FOCAD: variants seen among roughly 807,000 people sequenced by gnomAD.
The protein encoded by FOCAD is focadhesin.
In FOCAD, 198 loss-of-function variants were observed where a neutral mutation model predicts 225.6. The observed-to-expected ratio is 0.88, with a 90% CI of 0.78 to 0.99. FOCAD has a LOEUF of 0.99. Among genes scored for constraint, FOCAD ranks in the 50% least tolerant of loss-of-function variants. The pLI, the probability that FOCAD is intolerant of heterozygous loss-of-function variation, is 0.00. For synonymous variants in FOCAD, 897 were observed against 755.0 expected (o/e 1.19, Z -3.08); for missense variants, 2,713 against 2,123.6 (o/e 1.28, Z -5.46).
chr9:20,767,216 G>C lies in FOCAD; in HGVS notation c.699+2143G>C, dbSNP rs1191226246. Among the ~76,000 whole-genome samples the C allele has an allele frequency of 2.0e-5, 3 of 151,428 alleles. No individual in the cohort carries two copies. The South Asian group carries it at 6.3e-4, about 32-fold the overall frequency. The stretch of plus-strand genomic sequence containing the variant: ...ATATGTGCCACATTTTCTTAATCCA[G>C]TCTATCATTTTTGGACATTTGGGTT... On this transcript the variant is annotated intron_variant, in intron 7 of 43. Transcript: ENST00000338382.
chr9:20,912,245 T>A lies in FOCAD; in HGVS notation c.2719-621T>A, dbSNP rs62560526. On this transcript the variant is annotated intron_variant, in intron 22 of 43. Coordinates refer to ENST00000338382, the MANE Select transcript of FOCAD (RefSeq NM_001375567.1). Reference sequence around the variant, plus strand: ...AGGGGGAAGCATCTGATTAAAATAATTCTGAGTAAAAAAATGGAAAAGATA... The same window carrying A: ...AGGGGGAAGCATCTGATTAAAATAAATCTGAGTAAAAAAATGGAAAAGATA... Among the ~76,000 whole-genome samples the A allele has an allele frequency of 2.1e-3, 319 of 152,188 alleles. 2 individuals carry two copies. Among genetic ancestry groups the A allele is most frequent in the Non-Finnish European group, 2.3e-3 (158 of 67,974 alleles).
At chr9:20,698,929 G>T (rs1471516309) in intron 1 of FOCAD, among the ~76,000 whole-genome samples, 1 of 152,176 alleles carries the variant, frequency 6.6e-6, no homozygotes, top group African/African-American at 2.4e-5. Context: ...CTTGAAGGAT[G>T]TATGCCACAC....
intron 35 of FOCAD, 143 bp downstream of exon 35, chr9:20,953,208 A>G (rs954059319): frequency 2.5e-5 from 16 of 630,946 alleles, no homozygotes; most frequent in Admixed American, 6.0e-5. Context: ...CCATCTTTGC[A>G]ATAGAGATGA....
chr9:20,912,957 A>T lies in FOCAD; in HGVS notation c.2807+3A>T, dbSNP rs1251142991. On this transcript the variant is annotated splice_donor_region_variant and intron_variant, in intron 23 of 43. Coordinates refer to ENST00000338382, the MANE Select transcript of FOCAD (RefSeq NM_001375567.1). ...AAAAAAAGCACAGCCTGGCTCTGGT[A>T]AGTGTTCATGTTCAGCTGCCCATTA... 3.1e-6 allele frequency: 5 copies of T among 1,611,220 alleles called. No homozygotes were observed. Among genetic ancestry groups the T allele is most frequent in the Non-Finnish European group, 4.2e-6 (5 of 1,178,070 alleles).
intron 5 of FOCAD, among the ~76,000 whole-genome samples, chr9:20,749,848 AT>A (rs201126106): frequency 0.011 from 1,668 of 151,920 alleles, 22 homozygotes; most frequent in African/African-American, 0.037. Flanking sequence ...ATCACAGACT[AT>A]TTTTTTTAAC....
Position 20,916,884 on chromosome 9 carries a change from T to A in FOCAD, c.2808-9T>A, listed in dbSNP as rs780591763. On this transcript the variant is annotated splice_polypyrimidine_tract_variant and intron_variant, in intron 23 of 43. Transcript: ENST00000338382. ...ATAAACTCTCGTCTATTTTCCATCT[T>A]TATTGCAGGGTTAGAGACATGCTGA... 6.2e-7 allele frequency: 1 copy of A among 1,600,686 alleles called. No homozygotes were observed.
At chr9:20,758,664 T>C (rs924469784) in intron 6 of FOCAD, among the ~76,000 whole-genome samples, 7 of 152,112 alleles carry the variant, frequency 4.6e-5, no homozygotes, top group African/African-American at 1.7e-4. Context: ...TGATTTCCAG[T>C]TACATTCATG....
Position 20,801,464 on chromosome 9 carries a change from G to T in FOCAD, c.1455+11856G>T, listed in dbSNP as rs1284392371. 2.0e-5 allele frequency among the ~76,000 whole-genome samples: 3 copies of T among 152,108 alleles called. No individual in the cohort carries two copies. The East Asian group carries it at 5.8e-4, about 30-fold the overall frequency. On this transcript the variant is annotated intron_variant, in intron 11 of 43. Coordinates refer to ENST00000338382, the MANE Select transcript of FOCAD (RefSeq NM_001375567.1). ...CCCAAAGTGCTGGGATTGCAGGCGT[G>T]AGCCACTGCGCCCACCCTGGAATAT...
At chr9:20,859,399 A>C (rs1828547119) in intron 15 of FOCAD, among the ~76,000 whole-genome samples, 1 of 151,176 alleles carries the variant, frequency 6.6e-6, no homozygotes, top group South Asian at 2.1e-4. Context: ...AAAAAAAGAA[A>C]GAAAGAAAAT....
intron 15 of FOCAD, among the ~76,000 whole-genome samples, chr9:20,824,481 C>T (rs1824663859): frequency 6.6e-6 from 1 of 152,046 alleles, no homozygotes; most frequent in Non-Finnish European, 1.5e-5. Context: ...TGCCCATCCC[C>T]TCCTGTTACT....
chr9:20,981,187 T>C (rs1226795775), intron 37 of FOCAD, among the ~76,000 whole-genome samples: 2 of 152,128 alleles, frequency 1.3e-5, no homozygotes, highest in Non-Finnish European at 2.9e-5. Context: ...CACAGATGGG[T>C]TGGCAGATCC....
At chr9:20,892,202 A>C (rs1831672993) in intron 21 of FOCAD, among the ~76,000 whole-genome samples, 1 of 152,208 alleles carries the variant, frequency 6.6e-6, no homozygotes, top group African/African-American at 2.4e-5. Flanking sequence ...GAGGTGTTCA[A>C]GGAGATGGAG....
Position 20,715,428 on chromosome 9 carries a change from T to G in FOCAD, c.57+18T>G, listed in dbSNP as rs978172685. The G allele has an allele frequency of 6.8e-7, 1 of 1,471,988 alleles. No homozygotes were observed. The highest frequency in any genetic ancestry group is 1.4e-5 in the African/African-American group (1 of 71,684). 91.2% of individuals were successfully genotyped at this position (1,471,988 alleles called of 1,614,324 possible). On this transcript the variant is annotated intron_variant, in intron 2 of 43. Transcript: ENST00000338382. ...AATCACAGGTAATTTTGTTTGTTTA[T>G]TTTTGCTCATGGTAACAAATAAACC...
At chr9:20,795,407 A>G (rs547625850) in intron 11 of FOCAD, among the ~76,000 whole-genome samples, 7 of 152,198 alleles carry the variant, frequency 4.6e-5, no homozygotes, top group Non-Finnish European at 1.0e-4. Flanking sequence ...TAAAAAATTC[A>G]CTTGTGTACT....
chr9:20,752,159 T>A (rs1380515540), intron 5 of FOCAD, among the ~76,000 whole-genome samples: 1 of 151,006 alleles, frequency 6.6e-6, no homozygotes, highest in African/African-American at 2.4e-5. Context: ...GCTCTTTAGT[T>A]TAATTAGATC....
intron 10 of FOCAD, among the ~76,000 whole-genome samples, chr9:20,783,209 TTATTATTAAC>T (rs1382548814): frequency 8.5e-5 from 13 of 152,268 alleles, no homozygotes; most frequent in Non-Finnish European, 1.9e-4. Context: ...TGTGTGAATC[TTATTATTAAC>T]ACTAATATCT....
chr9:20,782,426 GC>G (rs1210002061), intron 10 of FOCAD, among the ~76,000 whole-genome samples: 1 of 152,020 alleles, frequency 6.6e-6, no homozygotes, highest in Admixed American at 6.5e-5. Flanking sequence ...CCCTGTGTAT[GC>G]CCCTATTCTG....
intron 4 of FOCAD, among the ~76,000 whole-genome samples, chr9:20,737,248 G>C (rs1418885749): frequency 6.6e-6 from 1 of 152,160 alleles, no homozygotes; most frequent in African/African-American, 2.4e-5. Flanking sequence ...TAAATGTGAT[G>C]TCTATTCTTT....
Position 20,685,364 on chromosome 9 carries a change from A to G in FOCAD, c.-33+1071A>G, listed in dbSNP as rs372723903. On this transcript the variant is annotated intron_variant, in intron 1 of 43. Coordinates refer to ENST00000338382, the MANE Select transcript of FOCAD (RefSeq NM_001375567.1). ...TTGAGATTTTCCAGGAGAGGAGGGT[A>G]GATGGCATGTTTCCTGAACTGTGTT... is the stretch of plus-strand genomic sequence containing the variant. Among the ~76,000 whole-genome samples, 27 of 152,306 alleles carry G rather than the reference A, an allele frequency of 1.8e-4. No homozygotes were observed. The East Asian group carries it at 2.1e-3, about 12-fold the overall frequency.
Sources: allele counts gnomAD v4.1 joint callset (sites outside exome capture counted in the v4.1 genomes callset), GRCh38; gene constraint gnomAD v4.1.1; transcripts MANE v1.5; gene names NCBI Gene and HGNC (gene_info 2026-07-23, HGNC 2026-07-21).